The following GALNTL6 variants were observed in gnomAD, a reference collection of about 807,000 sequenced individuals.
GALNTL6 encodes the protein polypeptide N-acetylgalactosaminyltransferase-like 6.
A neutral mutation model predicts 73.7 loss-of-function variants in GALNTL6; 46 were observed. The observed-to-expected ratio is 0.62, with a 90% CI of 0.49 to 0.80. GALNTL6 has a LOEUF of 0.80. Among genes scored for constraint, GALNTL6 ranks in the 30% least tolerant of loss-of-function variants. The probability of loss-of-function intolerance (pLI) is 0.00; values close to 1 mark genes in which losing one functional copy is unlikely to be tolerated. For missense variants in GALNTL6, 604 were observed against 755.0 expected (o/e 0.80, Z 2.34); for synonymous variants, 259 against 263.7 (o/e 0.98, Z 0.17).
intron 2 of GALNTL6, among the ~76,000 whole-genome samples, chr4:171,959,726 G>A (rs755347574): frequency 6.6e-6 from 1 of 152,152 alleles, no homozygotes; most frequent in African/African-American, 2.4e-5. Flanking sequence ...GGATCCTATA[G>A]AGCAATTGGC....
At chr4:172,778,328 G>T (rs1390461605) in intron 5 of GALNTL6, among the ~76,000 whole-genome samples, 7 of 152,190 alleles carry the variant, frequency 4.6e-5, no homozygotes, top group Admixed American at 1.3e-4. Context: ...TATCCCACCT[G>T]CCATAAGTGT....
chr4:172,737,670 T>C (rs1169544331), intron 5 of GALNTL6, among the ~76,000 whole-genome samples: 2 of 152,208 alleles, frequency 1.3e-5, no homozygotes, highest in Non-Finnish European at 2.9e-5. Context: ...TGTTTGCTCT[T>C]GTTTCTTGTG....
In GALNTL6 at chr4:172,737,771, C is replaced by G. The variant is rs544043108; in HGVS notation, c.554-71590C>G. Among the ~76,000 whole-genome samples the G allele has an allele frequency of 4.6e-5, 7 of 152,258 alleles. No homozygotes were observed. In the South Asian group the frequency reaches 1.5e-3, roughly 32 times the overall value. On this transcript the variant is annotated intron_variant, in intron 5 of 12. Transcript: ENST00000506823. ...TTCCAGTTTTTATTGAATACATTTG[C>G]TTAGCAATTCTTTACTAGTGGATTG...
intron 5 of GALNTL6, among the ~76,000 whole-genome samples, chr4:172,577,490 C>T (rs1737000235): frequency 6.6e-6 from 1 of 152,146 alleles, no homozygotes; most frequent in Admixed American, 6.5e-5. Flanking sequence ...ACTAAGAACG[C>T]CCCACAGGTC....
intron 10 of GALNTL6, among the ~76,000 whole-genome samples, chr4:172,964,333 G>A (rs1447723548): frequency 1.3e-5 from 2 of 152,238 alleles, no homozygotes; most frequent in East Asian, 1.9e-4. Flanking sequence ...TAAATATCAT[G>A]TGTAAGAAGG....
intron 2 of GALNTL6, among the ~76,000 whole-genome samples, chr4:172,108,603 C>T (rs1488402996): frequency 1.3e-5 from 2 of 152,068 alleles, no homozygotes; most frequent in African/African-American, 2.4e-5. Flanking sequence ...CCGGAAACAC[C>T]CTCACAGATA....
chr4:172,253,283 T>C (rs1313918844), intron 3 of GALNTL6, among the ~76,000 whole-genome samples: 4 of 151,842 alleles, frequency 2.6e-5, no homozygotes. Flanking sequence ...CAGTGAGGAA[T>C]TAAATTAAGC....
At chr4:172,803,075 A>G (rs1166455552) in intron 5 of GALNTL6, among the ~76,000 whole-genome samples, 2 of 152,232 alleles carry the variant, frequency 1.3e-5, no homozygotes, top group African/African-American at 2.4e-5. Flanking sequence ...GATTGTACCC[A>G]ATTACAGGAA....
At chr4:172,696,623 G>A (rs1733712377) in intron 5 of GALNTL6, among the ~76,000 whole-genome samples, 1 of 152,054 alleles carries the variant, frequency 6.6e-6, no homozygotes, top group African/African-American at 2.4e-5. Flanking sequence ...TTTTATAAAG[G>A]GGAGTTCCCC....
chr4:172,818,966 C>A (rs564825086), intron 7 of GALNTL6, among the ~76,000 whole-genome samples: 3 of 152,162 alleles, frequency 2.0e-5, no homozygotes, highest in African/African-American at 4.8e-5. Flanking sequence ...TTCAGTAATT[C>A]CTCATCCAGG....
chr4:172,261,172 A>G (rs1738245522), intron 3 of GALNTL6, among the ~76,000 whole-genome samples: 1 of 151,562 alleles, frequency 6.6e-6, no homozygotes, highest in South Asian at 2.1e-4. Flanking sequence ...TAGCTTCAGT[A>G]AGATTGGTAC....
chr4:172,094,816 G>A (rs1732302924), intron 2 of GALNTL6, among the ~76,000 whole-genome samples: 1 of 151,928 alleles, frequency 6.6e-6, no homozygotes, highest in African/African-American at 2.4e-5. Flanking sequence ...TTGAAGAGCT[G>A]CTTTCAAGAA....
At chr4:172,071,926 A>G (rs2110903336) in intron 2 of GALNTL6, among the ~76,000 whole-genome samples, 1 of 152,318 alleles carries the variant, frequency 6.6e-6, no homozygotes, top group South Asian at 2.1e-4. Context: ...GGCTTAGGAA[A>G]GTTATCTGTT....
chr4:172,607,706 C>A (rs1435743673), intron 5 of GALNTL6, among the ~76,000 whole-genome samples: 1 of 152,146 alleles, frequency 6.6e-6, no homozygotes, highest in African/African-American at 2.4e-5. Flanking sequence ...ATTTACATTC[C>A]CACCAGCAGT....
intron 5 of GALNTL6, among the ~76,000 whole-genome samples, chr4:172,370,952 C>A (rs558249797): frequency 6.6e-6 from 1 of 152,178 alleles, no homozygotes; most frequent in South Asian, 2.1e-4. Flanking sequence ...TAACTTTTAG[C>A]AAACTTTACT....
rs111952863 is a variant in GALNTL6, at chr4:173,032,819, AT to A, written c.1639-7103del. 3.2e-3 allele frequency among the ~76,000 whole-genome samples: 483 copies of A among 149,138 alleles called. 2 individuals are homozygous for A. Among genetic ancestry groups the A allele is most frequent in the African/African-American group, 9.9e-3 (403 of 40,822 alleles). On this transcript the variant is annotated intron_variant, in intron 12 of 12. Transcript: ENST00000506823. ...GCAGGCATCTAACACATCAGGATTG[AT>A]TTTTTTTTTTCATGATCCCGGCTGC...
At chr4:171,939,635 A>G (rs1409656284) in intron 2 of GALNTL6, among the ~76,000 whole-genome samples, 1 of 152,076 alleles carries the variant, frequency 6.6e-6, no homozygotes. Flanking sequence ...GAGATGAAAG[A>G]TGAAAAGAAA....
At chr4:172,749,684 T>C (rs912801599) in intron 5 of GALNTL6, among the ~76,000 whole-genome samples, 3 of 152,080 alleles carry the variant, frequency 2.0e-5, no homozygotes. Context: ...ATCATATTAT[T>C]AAGGTCTAGG....
chr4:173,020,536 A>G (rs1171090828), intron 11 of GALNTL6, among the ~76,000 whole-genome samples: 1 of 152,162 alleles, frequency 6.6e-6, no homozygotes, highest in African/African-American at 2.4e-5. Context: ...TCTTACTGTG[A>G]GTTACAGTCT....
Sources: gnomAD v4.1 joint callset for allele counts (sites outside exome capture counted in the v4.1 genomes callset) on GRCh38, gnomAD v4.1.1 for gene constraint, MANE v1.5 for transcripts, NCBI Gene and HGNC (gene_info 2026-07-23, HGNC 2026-07-21) for gene names.